Variants in NPAS3 observed in about 807,000 individuals in gnomAD.
NPAS3 encodes neuronal PAS domain protein 3.
In NPAS3, 14 loss-of-function variants were observed where a neutral mutation model predicts 73.1. That is an observed-to-expected ratio of 0.19 (90% CI 0.13 to 0.30). NPAS3 has a LOEUF of 0.30. Among genes scored for constraint, NPAS3 ranks in the 10% least tolerant of loss-of-function variants. The pLI is 1.00. For missense variants in NPAS3, 1,096 were observed against 1,250.0 expected, an observed-to-expected ratio of 0.88 and a Z score of 1.86; for synonymous variants, 620 against 541.5, an observed-to-expected ratio of 1.14 and a Z score of -2.01.
At chr14:33,192,121 C>G (rs191057670) in intron 2 of NPAS3, among the ~76,000 whole-genome samples, 1 of 152,274 alleles carries the variant, frequency 6.6e-6, no homozygotes, top group African/African-American at 2.4e-5. Flanking sequence ...ACATTGAACT[C>G]TGGCTCTGAA....
intron 5 of NPAS3, among the ~76,000 whole-genome samples, chr14:33,600,862 T>C (rs1488079029): frequency 2.0e-5 from 3 of 152,204 alleles, no homozygotes; most frequent in Non-Finnish European, 2.9e-5. Flanking sequence ...AAAAGAGCAA[T>C]GAAGGCTGAC....
At chr14:33,764,004 A>G (rs2062380031) in intron 7 of NPAS3, among the ~76,000 whole-genome samples, 1 of 152,166 alleles carries the variant, frequency 6.6e-6, no homozygotes, top group South Asian at 2.1e-4. Context: ...GCACTTCCCT[A>G]GGGCTGGTCT....
chr14:33,057,508 C>A (rs1157673496), intron 2 of NPAS3, among the ~76,000 whole-genome samples: 1 of 152,140 alleles, frequency 6.6e-6, no homozygotes, highest in Non-Finnish European at 1.5e-5. Flanking sequence ...CAACAATCAA[C>A]TGTTGTTTAT....
chr14:33,739,418 T>A (rs2061601684), intron 7 of NPAS3, among the ~76,000 whole-genome samples: 1 of 152,184 alleles, frequency 6.6e-6, no homozygotes, highest in Non-Finnish European at 1.5e-5. Context: ...TTTATTAGGA[T>A]CGCTCATATA....
intron 5 of NPAS3, among the ~76,000 whole-genome samples, chr14:33,579,806 A>G (rs947209861): frequency 6.6e-6 from 1 of 152,080 alleles, no homozygotes; most frequent in Non-Finnish European, 1.5e-5. Flanking sequence ...CCAAAGTTGG[A>G]AGTAAAGGCC....
intron 3 of NPAS3, among the ~76,000 whole-genome samples, chr14:33,298,135 T>G (rs145127825): frequency 2.0e-5 from 3 of 152,126 alleles, no homozygotes; most frequent in African/African-American, 7.2e-5. Flanking sequence ...TACAAAAAAT[T>G]AGTCAGTTAT....
chr14:32,987,073 C>G (rs976831909), intron 1 of NPAS3, among the ~76,000 whole-genome samples: 91 of 152,098 alleles, frequency 6.0e-4, no homozygotes, highest in Non-Finnish European at 7.5e-4. Flanking sequence ...TTTCATGAAA[C>G]TATAGCTAAC....
chr14:33,082,220 T>C, intron 2 of NPAS3, among the ~76,000 whole-genome samples: 1 of 152,132 alleles, frequency 6.6e-6, no homozygotes. Context: ...ATCACATTTA[T>C]AAGACAATAT....
At chr14:33,501,831 A>G (rs1008720471) in intron 4 of NPAS3, among the ~76,000 whole-genome samples, 1 of 151,920 alleles carries the variant, frequency 6.6e-6, no homozygotes, top group Non-Finnish European at 1.5e-5. Flanking sequence ...TTCATGTGCT[A>G]GGTGTCACAG....
chr14:33,247,053 GA>G (rs939606064), intron 3 of NPAS3, among the ~76,000 whole-genome samples: 2 of 151,664 alleles, frequency 1.3e-5, no homozygotes, highest in Admixed American at 6.6e-5. Context: ...AAGAAAGAAA[GA>G]AAAAGAGATA....
At chr14:32,938,465 G>GAGAGAGAGAGAAAT (rs1214474230), upstream of NPAS3, among the ~76,000 whole-genome samples, 2 of 120,238 alleles carry the variant, frequency 1.7e-5, no homozygotes, top group Admixed American at 8.4e-5. Flanking sequence ...GAAAGAGAGA[G>GAGAGAGAGAGAAAT]AGAGAGAGAG....
At chr14:33,780,496 T>C in intron 9 of NPAS3, 1 of 390,354 alleles carries the variant, frequency 2.6e-6, no homozygotes, top group Non-Finnish European at 5.0e-6. Context: ...GGGAGATGCC[T>C]TCTCATTTTG....
At chr14:33,125,232 TTAA>T (rs1474536975) in intron 2 of NPAS3, among the ~76,000 whole-genome samples, 5 of 152,218 alleles carry the variant, frequency 3.3e-5, no homozygotes, top group South Asian at 2.1e-4. Context: ...ATTAAGTTTA[TTAA>T]TAATTTTTAT....
intron 4 of NPAS3, among the ~76,000 whole-genome samples, chr14:33,411,286 G>C (rs962340435): frequency 6.6e-6 from 1 of 152,146 alleles, no homozygotes; most frequent in Non-Finnish European, 1.5e-5. Flanking sequence ...GGGTTCAAGC[G>C]ATTCTCCTGC....
At chr14:33,095,703 C>T (rs957815116) in intron 2 of NPAS3, among the ~76,000 whole-genome samples, 11 of 129,296 alleles carry the variant, frequency 8.5e-5, no homozygotes, top group Non-Finnish European at 1.6e-4. Context: ...GAGTCTCGCT[C>T]TGTCGCCCAG....
intron 5 of NPAS3, among the ~76,000 whole-genome samples, chr14:33,674,596 T>A (rs1339980950): frequency 6.6e-6 from 1 of 152,208 alleles, no homozygotes; most frequent in Non-Finnish European, 1.5e-5. Flanking sequence ...CTGATCACTG[T>A]GAATCCCGAT....
At chr14:33,588,229 T>C (rs936641936) in intron 5 of NPAS3, among the ~76,000 whole-genome samples, 1 of 152,216 alleles carries the variant, frequency 6.6e-6, no homozygotes, top group Admixed American at 6.5e-5. Flanking sequence ...AAATGTCTCC[T>C]TCTTTTGCCA....
At chr14:33,736,996 C>T (rs2061539462) in intron 7 of NPAS3, among the ~76,000 whole-genome samples, 1 of 152,176 alleles carries the variant, frequency 6.6e-6, no homozygotes, top group East Asian at 1.9e-4. Flanking sequence ...TTAGCCCTTA[C>T]AACATTCCTA....
chr14:33,481,532 C>T (rs1190636568), intron 4 of NPAS3, among the ~76,000 whole-genome samples: 2 of 152,130 alleles, frequency 1.3e-5, no homozygotes, highest in Admixed American at 1.3e-4. Context: ...TATAACACAG[C>T]CCCAAAGGAG....
Sources: allele counts gnomAD v4.1 joint callset (sites outside exome capture counted in the v4.1 genomes callset), GRCh38; gene constraint gnomAD v4.1.1; transcripts MANE v1.5; gene names NCBI Gene and HGNC (gene_info 2026-07-23, HGNC 2026-07-21).